The following RAB25 variants were observed in gnomAD, a reference collection of about 807,000 sequenced individuals.
RAB25 encodes the protein ras-related protein Rab-25.
In RAB25, 23 loss-of-function variants were observed where a neutral mutation model predicts 25.2. The ratio of observed to expected loss-of-function variants is 0.91; its 90% confidence interval spans 0.66 to 1.29. The LOEUF is 1.29. Ranked by LOEUF, RAB25 falls within the 50% of genes most tolerant of loss-of-function variation. The pLI is 0.00. For synonymous variants in RAB25, 102 were observed against 111.5 expected (o/e 0.91, Z 0.54); for missense variants, 244 against 277.3 (o/e 0.88, Z 0.85).
chr1:156,066,914 TG>T (rs1234158515), intron 2 of RAB25, among the ~76,000 whole-genome samples: 1 of 151,342 alleles, frequency 6.6e-6, no homozygotes, highest in East Asian at 1.9e-4. Flanking sequence ...CACTCCAGCC[TG>T]GGTGACAAAG....
At chr1:156,065,182 C>A (rs922065395) in intron 1 of RAB25, among the ~76,000 whole-genome samples, 5 of 152,196 alleles carry the variant, frequency 3.3e-5, no homozygotes, top group Non-Finnish European at 7.3e-5. Context: ...CCTACAATAA[C>A]CCTTAAGGTA....
chr1:156,063,091 G>C (rs1647629340), intron 1 of RAB25, among the ~76,000 whole-genome samples: 1 of 151,412 alleles, frequency 6.6e-6, no homozygotes. Flanking sequence ...TGAGGGTTGG[G>C]TTGGGGTCCC....
chr1:156,065,548 C>A (rs1207297751), intron 1 of RAB25, among the ~76,000 whole-genome samples: 1 of 152,154 alleles, frequency 6.6e-6, no homozygotes, highest in Non-Finnish European at 1.5e-5. Flanking sequence ...GAACTGTGCA[C>A]CCCCTGACCT....
chr1:156,069,948 A>G, intron 4 of RAB25, 197 bp downstream of exon 4: 1 of 858,604 alleles, frequency 1.2e-6, no homozygotes, highest in Non-Finnish European at 1.9e-6. Context: ...AACAGGCCAC[A>G]CTCCCCATGG....
chr1:156,062,852 C>G (rs1572291407), intron 1 of RAB25, among the ~76,000 whole-genome samples: 1 of 151,800 alleles, frequency 6.6e-6, no homozygotes, highest in Admixed American at 6.6e-5. Context: ...TCTGGAGTTC[C>G]AGACCAGCCT....
chr1:156,069,590 A>C, intron 3 of RAB25, 81 bp from the exon 4 acceptor site: 1 of 1,147,116 alleles, frequency 8.7e-7, no homozygotes. Context: ...GCACATGGCA[A>C]ATGTATATAG....
At chr1:156,069,405 T>A (rs1285670279) in intron 3 of RAB25, among the ~76,000 whole-genome samples, 3 of 152,028 alleles carry the variant, frequency 2.0e-5, no homozygotes, top group Non-Finnish European at 4.4e-5. Context: ...GGTCTTGAAC[T>A]CCTGACCTCG....
At chr1:156,066,736 C>A (rs1215384756) in intron 2 of RAB25, among the ~76,000 whole-genome samples, 1 of 151,158 alleles carries the variant, frequency 6.6e-6, no homozygotes, top group East Asian at 2.0e-4. Context: ...CTCATGAATT[C>A]GAGACCAGCC....
chr1:156,066,373 T>G (rs991751653), intron 2 of RAB25: 8 of 332,176 alleles, frequency 2.4e-5, no homozygotes, highest in African/African-American at 1.1e-4. Context: ...CAAGTTACTT[T>G]ACATTTGGCA....
intron 1 of RAB25, among the ~76,000 whole-genome samples, chr1:156,062,924 C>T (rs1308754986): frequency 6.6e-6 from 1 of 151,622 alleles, no homozygotes; most frequent in Non-Finnish European, 1.5e-5. Context: ...TGTGGTGGCA[C>T]GTGCCTGTAA....
chr1:156,061,809 G>A (rs1272516544), intron 1 of RAB25, among the ~76,000 whole-genome samples: 1 of 152,066 alleles, frequency 6.6e-6, no homozygotes, highest in Non-Finnish European at 1.5e-5. Flanking sequence ...TTCTGAGACG[G>A]AGTCTTGCTC....
chr1:156,065,548 C>T (rs1207297751), intron 1 of RAB25, among the ~76,000 whole-genome samples: 1 of 152,272 alleles, frequency 6.6e-6, no homozygotes, highest in Middle Eastern at 3.4e-3. Context: ...GAACTGTGCA[C>T]CCCCTGACCT....
rs141748087 is a variant in RAB25 at position 156,065,283 on chromosome 1, C to T, written c.44-628C>T. Among the ~76,000 whole-genome samples, 30 of 152,314 alleles carry T rather than the reference C, an allele frequency of 2.0e-4. No homozygotes were observed. In the East Asian group the frequency reaches 5.8e-3, roughly 29 times the overall value. On this transcript the variant is annotated intron_variant, in intron 1 of 4. Coordinates refer to ENST00000361084, the MANE Select transcript of RAB25 (RefSeq NM_020387.4). Reference sequence around the variant, plus strand: ...AAGGACACATAGCTGGTCTAACACCCAGGCCCATGCTCTTAACCATGCGGG... The same window carrying T: ...AAGGACACATAGCTGGTCTAACACCTAGGCCCATGCTCTTAACCATGCGGG...
At chr1:156,061,709 C>T (rs1647585460) in intron 1 of RAB25, among the ~76,000 whole-genome samples, 1 of 152,158 alleles carries the variant, frequency 6.6e-6, no homozygotes, top group African/African-American at 2.4e-5. Flanking sequence ...TGCCCCGTTC[C>T]TAATAGAAAC....
rs1482163529 is a variant in RAB25, at chr1:156,070,187, G to A, written c.542G>A (p.Arg181Lys). 1 of 1,614,060 alleles carries A rather than the reference G, an allele frequency of 6.2e-7. No homozygotes were observed. Among genetic ancestry groups the A allele is most frequent in the Non-Finnish European group, 8.5e-7 (1 of 1,179,976 alleles). Residue 181 changes from arginine to lysine, a missense_variant, in exon 5 of 5, where the codon AGA (arginine) becomes AAA (lysine). Arg to Lys is a conservative substitution (Grantham distance 26). Transcript: ENST00000361084. ...ATCTTTGCGAAGGTGTCCAAGCAGA[G>A]ACAGAACAGCATCCGGACCAATGCC... ...KEIFAKVSKQ[R>K]QNSIRTNAIT...
intron 4 of RAB25, 194 bp downstream of exon 4, chr1:156,069,945 C>T (rs1336861446): frequency 2.3e-6 from 2 of 853,814 alleles, no homozygotes; most frequent in South Asian, 1.6e-5. Context: ...GGGAACAGGC[C>T]ACACTCCCCA....
chr1:156,065,970 A>T lies in RAB25; in HGVS notation c.103A>T (p.Asn35Tyr). ...KTNLLSRFTR[N>Y]EFSHDSRTTI... ...CAATCTACTCTCCCGATTCACGCGCAATGAGTTCAGCCACGACAGCCGCAC... is the reference window on the plus strand; with the variant it reads ...CAATCTACTCTCCCGATTCACGCGCTATGAGTTCAGCCACGACAGCCGCAC... Residue 35 changes from asparagine (N) to tyrosine (Y), a missense_variant, in exon 2 of 5, where the codon AAT (asparagine) becomes TAT (tyrosine). By Grantham distance (143) the Asn-to-Tyr change is moderately radical. Coordinates refer to ENST00000361084, the MANE Select transcript of RAB25 (RefSeq NM_020387.4). 1 of 1,613,856 alleles carries T rather than the reference A, an allele frequency of 6.2e-7. No homozygotes were observed. The highest frequency in any genetic ancestry group is 1.1e-5 in the South Asian group (1 of 91,052).
At chr1:156,064,345 A>G (rs1647677316) in intron 1 of RAB25, among the ~76,000 whole-genome samples, 1 of 151,524 alleles carries the variant, frequency 6.6e-6, no homozygotes. Flanking sequence ...GGCTCAAACA[A>G]TCCTTCCACC....
In RAB25 at chr1:156,065,909, A is replaced by G. The variant is rs1254442942; in HGVS notation, c.44-2A>G. ...TCAGCCCTTATCTCTCCACTCCTTC[A>G]GTGGTGCTGATCGGCGAATCAGGTG... On this transcript the variant is annotated splice_acceptor_variant, in intron 1 of 4. Coordinates refer to ENST00000361084, the MANE Select transcript of RAB25 (RefSeq NM_020387.4). LOFTEE classifies it high-confidence loss of function. 3 of 1,589,824 alleles carry G rather than the reference A, an allele frequency of 1.9e-6. No individual in the cohort carries two copies. The highest frequency in any genetic ancestry group is 2.3e-5 in the East Asian group (1 of 44,398).
Sources: allele counts gnomAD v4.1 joint callset (sites outside exome capture counted in the v4.1 genomes callset), GRCh38; gene constraint gnomAD v4.1.1; transcripts MANE v1.5; gene names NCBI Gene and HGNC (gene_info 2026-07-23, HGNC 2026-07-21).